NAV2: variants seen among roughly 807,000 people sequenced by gnomAD.
NAV2 encodes the protein neuron navigator 2.
NAV2 carries 54 observed loss-of-function variants against 223.2 expected under a neutral mutation model. The ratio of observed to expected loss-of-function variants is 0.24; its 90% CI spans 0.19 to 0.30. The LOEUF (loss-of-function observed/expected upper bound fraction) is 0.30. Ranked by LOEUF, NAV2 falls within the 10% of genes least tolerant of loss-of-function variation. The pLI, the probability that NAV2 is intolerant of heterozygous loss-of-function variation, is 1.00. For missense variants in NAV2, 2,806 were observed against 3,147.5 expected (o/e 0.89, Z 2.60); for synonymous variants, 1,279 against 1,239.3 (o/e 1.03, Z -0.67).
At chr11:20,041,857 T>C (rs905149759) in intron 12 of NAV2, among the ~76,000 whole-genome samples, 16 of 152,236 alleles carry the variant, frequency 1.1e-4, no homozygotes, top group Admixed American at 2.0e-4. Flanking sequence ...GGTACTTCTT[T>C]TTGAACTGAT....
chr11:19,986,961 G>A (rs1249353410), intron 11 of NAV2, among the ~76,000 whole-genome samples: 5 of 152,214 alleles, frequency 3.3e-5, no homozygotes, highest in Non-Finnish European at 5.9e-5. Context: ...CAAAGTGGGA[G>A]GCTATCATGG....
intron 1 of NAV2, among the ~76,000 whole-genome samples, chr11:19,584,953 C>T (rs1295186519): frequency 1.3e-5 from 2 of 148,402 alleles, no homozygotes; most frequent in Non-Finnish European, 3.0e-5. Flanking sequence ...TCTGTCTCAT[C>T]GATCTGTCTA....
chr11:20,001,411 A>C (rs891572391), intron 11 of NAV2, among the ~76,000 whole-genome samples: 5 of 152,130 alleles, frequency 3.3e-5, no homozygotes, highest in African/African-American at 7.2e-5. Context: ...TTCAGGACCC[A>C]AAAATATGAT....
intron 22 of NAV2, among the ~76,000 whole-genome samples, chr11:20,070,566 T>A (rs1175969755): frequency 1.3e-5 from 2 of 152,182 alleles, no homozygotes; most frequent in Non-Finnish European, 2.9e-5. Context: ...TCCAGTATTG[T>A]TTTAAAGTAA....
chr11:19,348,374 G>T (rs1853114661), upstream of NAV2, among the ~76,000 whole-genome samples: 3 of 152,158 alleles, frequency 2.0e-5, no homozygotes, highest in Admixed American at 2.0e-4. Flanking sequence ...GCTATGAAAA[G>T]TGTAGATTCT....
rs139646873 is a variant in NAV2 at position 19,474,691 on chromosome 11, T to C, written c.75+123664T>C. 3.5e-3 allele frequency among the ~76,000 whole-genome samples: 537 copies of C among 152,300 alleles called. 5 individuals carry two copies. The highest frequency in any genetic ancestry group is 0.012 in the African/African-American group (513 of 41,566). On this transcript the variant is annotated intron_variant, in intron 1 of 37. Transcript: ENST00000360655. ...GGATTATTTGCACAGTTAAAAAATCTATATTAAAAAAGAAAAATAGAAATC... is the reference window on the plus strand; with the variant it reads ...GGATTATTTGCACAGTTAAAAAATCCATATTAAAAAAGAAAAATAGAAATC...
At chr11:19,398,361 CT>C (rs1487213703) in intron 1 of NAV2, among the ~76,000 whole-genome samples, 1 of 152,110 alleles carries the variant, frequency 6.6e-6, no homozygotes, top group African/African-American at 2.4e-5. Flanking sequence ...AATCAACCCC[CT>C]TGATCCAATC....
intron 14 of NAV2, 107 bp downstream of exon 14, chr11:20,045,777 C>A: frequency 1.1e-6 from 1 of 935,484 alleles, no homozygotes. Context: ...CCACTTTAGT[C>A]CTCCAGTAAA....
intron 1 of NAV2, among the ~76,000 whole-genome samples, chr11:19,628,003 C>G (rs187647631): frequency 8.6e-4 from 131 of 151,684 alleles, no homozygotes; most frequent in African/African-American, 3.0e-3. Context: ...CAAATATATT[C>G]ATGTGAAATG....
rs75256680 is a variant in NAV2, at chr11:19,435,206, G to A, written c.75+84179G>A. ...ACTGAAACTATATCCTCCGACCAAT[G>A]TCTTGCCTTTCCCTGTCCACCTTTC... On this transcript the variant is annotated intron_variant, in intron 1 of 37. Coordinates refer to the NAV2 transcript ENST00000360655. 0.018 allele frequency among the ~76,000 whole-genome samples: 2,805 copies of A among 152,168 alleles called. 185 individuals are homozygous for A. In the East Asian group the frequency reaches 0.25, roughly 14 times the overall value.
intron 1 of NAV2, among the ~76,000 whole-genome samples, chr11:19,682,363 G>A (rs1189841291): frequency 6.6e-6 from 1 of 152,212 alleles, no homozygotes; most frequent in African/African-American, 2.4e-5. Context: ...AGGACACTGA[G>A]CCTTAGAGAA....
chr11:19,496,515 A>T (rs2042798256), intron 1 of NAV2, among the ~76,000 whole-genome samples: 1 of 152,212 alleles, frequency 6.6e-6, no homozygotes, highest in African/African-American at 2.4e-5. Flanking sequence ...TGAGTGTGCT[A>T]ACAACATGGT....
intron 1 of NAV2, among the ~76,000 whole-genome samples, chr11:19,359,412 G>A (rs1853804966): frequency 6.6e-6 from 1 of 152,214 alleles, no homozygotes; most frequent in Non-Finnish European, 1.5e-5. Flanking sequence ...TTTCATTGAT[G>A]TCTGTGTTGG....
intron 1 of NAV2, among the ~76,000 whole-genome samples, chr11:19,432,122 C>T (rs374828224): frequency 6.6e-6 from 1 of 151,332 alleles, no homozygotes; most frequent in African/African-American, 2.4e-5. Context: ...CACTTGAACC[C>T]GGGAAGTGGA....
rs1213232508 is a variant in NAV2, at chr11:20,114,808, C to A, written c.7164+13C>A. ...AGGTGACCCGCTGGTGAGTCCTCAGCCACCAGAGCAGCTCAGCATTCCTTT... is the reference window on the plus strand; with the variant it reads ...AGGTGACCCGCTGGTGAGTCCTCAGACACCAGAGCAGCTCAGCATTCCTTT... On this transcript the variant is annotated intron_variant, in intron 37 of 37. Coordinates refer to ENST00000349880, the MANE Select transcript of NAV2 (RefSeq NM_145117.5). The A allele has an allele frequency of 1.2e-6, 2 of 1,609,580 alleles. No homozygotes were observed. The highest frequency in any genetic ancestry group is 2.7e-5 in the African/African-American group (2 of 74,838).
rs548206616 is a variant in NAV2, at chr11:19,968,876, G to A, written c.2646-15249G>A. Among the ~76,000 whole-genome samples, 15 of 152,150 alleles carry A rather than the reference G, an allele frequency of 9.9e-5. No individual in the cohort carries two copies. In the East Asian group the frequency reaches 2.7e-3, roughly 28 times the overall value. ...CCTGTCTTTCCCCCCAGAGTGCTCC[G>A]ACTGCTGCTAGGGCACCCCTGCCAC... On this transcript the variant is annotated intron_variant, in intron 10 of 37. Coordinates refer to ENST00000349880, the MANE Select transcript of NAV2 (RefSeq NM_145117.5).
chr11:19,382,303 CCCATGCTGAATGAGAGCCTGGAATTGTTG>C (rs1226416649), intron 1 of NAV2, among the ~76,000 whole-genome samples: 8 of 152,122 alleles, frequency 5.3e-5, no homozygotes, highest in South Asian at 2.1e-4. Flanking sequence ...TTTCTTTCGG[CCCATGCTGAATGAGAGCCTGGAATTGTTG>C]CCATGCTGAA....
intron 8 of NAV2, among the ~76,000 whole-genome samples, chr11:19,940,898 A>G (rs751143594): frequency 1.3e-5 from 2 of 152,180 alleles, no homozygotes; most frequent in Non-Finnish European, 2.9e-5. Flanking sequence ...TTTCTTTCAT[A>G]TGAGTACATG....
chr11:19,531,986 A>G (rs1206519603), intron 1 of NAV2, among the ~76,000 whole-genome samples: 1 of 152,212 alleles, frequency 6.6e-6, no homozygotes, highest in African/African-American at 2.4e-5. Context: ...GAAATCACCA[A>G]GGGAGTGATA....
Sources: allele counts gnomAD v4.1 joint callset (sites outside exome capture counted in the v4.1 genomes callset), GRCh38; gene constraint gnomAD v4.1.1; transcripts MANE v1.5; gene names NCBI Gene and HGNC (gene_info 2026-07-23, HGNC 2026-07-21).